The following PTPRO variants were observed in gnomAD, a reference collection of about 807,000 sequenced individuals.
The protein encoded by PTPRO is receptor-type tyrosine-protein phosphatase O.
Under a neutral mutation model 145.2 loss-of-function variants are expected in PTPRO, and 62 were observed. The ratio of observed to expected loss-of-function variants is 0.43; its 90% CI spans 0.35 to 0.53. PTPRO has a LOEUF of 0.53. Ranked by LOEUF, PTPRO falls within the 20% of genes least tolerant of loss-of-function variation. PTPRO has a pLI of 0.01. For missense variants in PTPRO, 1,345 were observed against 1,482.7 expected (o/e 0.91, Z 1.53); for synonymous variants, 565 against 514.7 (o/e 1.10, Z -1.32).
At position 15,586,938 on chromosome 12, in the gene PTPRO, A is replaced by G. The variant is rs374557625; in HGVS notation, c.3297A>G (p.Ala1099=). The G allele has an allele frequency of 6.8e-6, 11 of 1,614,046 alleles. No individual in the cohort carries two copies. The highest frequency in any genetic ancestry group is 1.7e-5 in the Admixed American group (1 of 59,996). ...MQDVMHFNYT[A]WPDHGVPTAN... ...ATGTGATGCATTTTAACTACACTGC[A>G]TGGCCTGATCATGGTGTGCCCACAG... Residue 1099 remains alanine (A), a synonymous_variant, in exon 24 of 27, where the codon GCA becomes GCG. Coordinates refer to ENST00000281171, the MANE Select transcript of PTPRO (RefSeq NM_030667.3).
chr12:15,356,039 A>C (rs1937976079), intron 1 of PTPRO, among the ~76,000 whole-genome samples: 1 of 152,254 alleles, frequency 6.6e-6, no homozygotes, highest in East Asian at 1.9e-4. Context: ...TGTTGTGGGC[A>C]AAAATGTTGC....
intron 1 of PTPRO, among the ~76,000 whole-genome samples, chr12:15,451,769 A>G (rs1941051897): frequency 6.6e-6 from 1 of 152,202 alleles, no homozygotes; most frequent in Non-Finnish European, 1.5e-5. Flanking sequence ...TGAAATCAAG[A>G]CAAAATTAAA....
rs760727625 is a variant in PTPRO, at chr12:15,524,883, G to C, written c.1961G>C (p.Gly654Ala). 7.7e-5 allele frequency: 124 copies of C among 1,613,186 alleles called. No individual in the cohort carries two copies. The highest frequency in any genetic ancestry group is 1.0e-4 in the Non-Finnish European group (120 of 1,179,290). ...NSLLYISWTY[G>A]DDTTDLSHSR... The stretch of plus-strand genomic sequence containing the variant: ...CTGTTATATATCAGTTGGACATATG[G>C]GGATGATACAACGGACTTGTCCCAT... The change falls in exon 11 of 27, where the codon GGG (glycine) becomes GCG (alanine). Residue 654 changes from glycine (G) to alanine (A), a missense_variant. Transcript: ENST00000281171.
chr12:15,445,572 T>C (rs1459234776), intron 1 of PTPRO, among the ~76,000 whole-genome samples: 3 of 152,192 alleles, frequency 2.0e-5, no homozygotes, highest in African/African-American at 7.2e-5. Context: ...TCATGTGGCC[T>C]AACCTAATGT....
At chr12:15,422,347 C>A (rs1419233397) in intron 1 of PTPRO, among the ~76,000 whole-genome samples, 1 of 152,046 alleles carries the variant, frequency 6.6e-6, no homozygotes, top group Non-Finnish European at 1.5e-5. Flanking sequence ...GTAACCACTA[C>A]ATAAATATTA....
At position 15,501,636 on chromosome 12, in the gene PTPRO, A is replaced by T; in HGVS notation, c.678A>T (p.Gln226His). The T allele has an allele frequency of 6.2e-7, 1 of 1,613,770 alleles. No individual in the cohort carries two copies. Among genetic ancestry groups the T allele is most frequent in the Non-Finnish European group, 8.5e-7 (1 of 1,179,720 alleles). Residue 226 changes from glutamine to histidine, a missense_variant, in exon 5 of 27, where the codon CAA becomes CAT. By Grantham distance (24) the Gln-to-His change is conservative (BLOSUM62 0). Coordinates refer to ENST00000281171, the MANE Select transcript of PTPRO (RefSeq NM_030667.3). ...KQHRTAPYPPQNISVRIVNLN... is the reference protein window; with the variant it reads ...KQHRTAPYPPHNISVRIVNLN... ...CTCTTACAGCCCCTTATCCACCTCA[A>T]AATATTTCCGTTCGTATCGTAAACT...
intron 1 of PTPRO, among the ~76,000 whole-genome samples, chr12:15,335,255 T>C (rs1178561763): frequency 2.0e-5 from 3 of 151,980 alleles, no homozygotes; most frequent in African/African-American, 7.2e-5. Flanking sequence ...GGAAAAAAAA[T>C]TGGCTTCTAA....
intron 1 of PTPRO, among the ~76,000 whole-genome samples, chr12:15,361,329 C>CT (rs1200910058): frequency 6.6e-6 from 1 of 150,544 alleles, no homozygotes; most frequent in Non-Finnish European, 1.5e-5. Context: ...ATCTCAACTA[C>CT]TCGGGAAGCT....
chr12:15,578,274 A>T (rs949099585), intron 19 of PTPRO, among the ~76,000 whole-genome samples: 11 of 152,184 alleles, frequency 7.2e-5, no homozygotes, highest in Non-Finnish European at 1.3e-4. Flanking sequence ...AAATTGCATA[A>T]ACTTAAGTTA....
Position 15,370,990 on chromosome 12 carries a change from C to T in PTPRO, c.75+48189C>T, listed in dbSNP as rs1938510132. On this transcript the variant is annotated intron_variant, in intron 1 of 26. Coordinates refer to ENST00000281171, the MANE Select transcript of PTPRO (RefSeq NM_030667.3). The stretch of plus-strand genomic sequence containing the variant: ...AATATCCAACAACATGGATAATGTA[C>T]ATAATGTATTGCTAAACAAAAAAAA... 3.3e-5 allele frequency among the ~76,000 whole-genome samples: 5 copies of T among 152,220 alleles called. No individual in the cohort carries two copies. In the South Asian group the frequency reaches 1.0e-3, roughly 32 times the overall value.
chr12:15,333,048 T>C (rs1347822556), intron 1 of PTPRO, among the ~76,000 whole-genome samples: 2 of 152,202 alleles, frequency 1.3e-5, no homozygotes, highest in Non-Finnish European at 2.9e-5. Context: ...TTCTTTTTTA[T>C]AGCCCCAATA....
At chr12:15,418,532 C>T (rs1940046408) in intron 1 of PTPRO, among the ~76,000 whole-genome samples, 1 of 151,624 alleles carries the variant, frequency 6.6e-6, no homozygotes, top group African/African-American at 2.4e-5. Context: ...CACACAAGAA[C>T]TAGAAAAGAC....
intron 1 of PTPRO, among the ~76,000 whole-genome samples, chr12:15,447,700 A>G (rs1386506947): frequency 6.6e-6 from 1 of 152,166 alleles, no homozygotes; most frequent in Non-Finnish European, 1.5e-5. Context: ...TTCACCAAAA[A>G]GCAAATTTTT....
rs764167474 is a variant in PTPRO at position 15,560,273 on chromosome 12, C to T, written c.2708C>T (p.Pro903Leu). ...TATCTTTTGGCATTTTATATTAATC[C>T]TTGGTAAGTGATTTTTTTTTACTGT... ...TDYLLAFYIN[P>L]WSKNGLKKRK... The change falls in exon 17 of 27, where the codon CCT becomes CTT. Residue 903 changes from proline (P) to leucine (L), a missense_variant. This residue lies in a region of PTPRO where 1,130 missense variants were observed against 1,214.7 expected (regional missense o/e 0.93). Transcript: ENST00000281171. 1.9e-6 allele frequency: 3 copies of T among 1,566,880 alleles called. No individual in the cohort carries two copies. The highest frequency in any genetic ancestry group is 2.6e-6 in the Non-Finnish European group (3 of 1,138,194).
Position 15,350,167 on chromosome 12 carries a change from T to C in PTPRO, c.75+27366T>C, listed in dbSNP as rs555891999. 1.1e-4 allele frequency among the ~76,000 whole-genome samples: 17 copies of C among 152,308 alleles called. 1 individual carries two copies. The South Asian group carries it at 3.5e-3, about 32-fold the overall frequency. ...TTCTAATGAATAGTGAAAGAATCTA[T>C]CCTTATCTGTGCTCTGAAAGAAACT... On this transcript the variant is annotated intron_variant, in intron 1 of 26. Coordinates refer to ENST00000281171, the MANE Select transcript of PTPRO (RefSeq NM_030667.3).
At chr12:15,386,005 C>A (rs528102543) in intron 1 of PTPRO, among the ~76,000 whole-genome samples, 1 of 151,844 alleles carries the variant, frequency 6.6e-6, no homozygotes, top group East Asian at 1.9e-4. Context: ...GTTATGGAGC[C>A]AGAAATCACA....
chr12:15,484,035 C>CGTCATTAGACGTCTCA lies in PTPRO; in HGVS notation c.137_138insGTCATTAGACGTCTCA (p.Asp48LeufsTer21), dbSNP rs1941835242. 1 of 1,613,528 alleles carries CGTCATTAGACGTCTCA rather than the reference C, an allele frequency of 6.2e-7. No homozygotes were observed. The highest frequency in any genetic ancestry group is 1.3e-5 in the African/African-American group (1 of 74,898). Reference sequence around the variant, plus strand: ...AATAACATCGTTGTCTCATTAGAAGCTTCAGACGTCATCAGTCCAGCATCT... The same window carrying CGTCATTAGACGTCTCA: ...AATAACATCGTTGTCTCATTAGAAGCGTCATTAGACGTCTCATTCAGACGTCATCAGTCCAGCATCT... On this transcript the variant is annotated frameshift_variant, in exon 2 of 27. Coordinates refer to ENST00000281171, the MANE Select transcript of PTPRO (RefSeq NM_030667.3). LOFTEE classifies it high-confidence loss of function.
intron 1 of PTPRO, among the ~76,000 whole-genome samples, chr12:15,334,460 C>T (rs1303816832): frequency 6.6e-6 from 1 of 152,078 alleles, no homozygotes; most frequent in African/African-American, 2.4e-5. Flanking sequence ...CCTGAATTGT[C>T]CAGATTTTCA....
chr12:15,553,174 C>T (rs1185426202), intron 15 of PTPRO, among the ~76,000 whole-genome samples: 1 of 151,974 alleles, frequency 6.6e-6, no homozygotes, highest in Admixed American at 6.6e-5. Context: ...GTTCATATTA[C>T]AAATATTGCT....
Sources: allele counts gnomAD v4.1 joint callset (sites outside exome capture counted in the v4.1 genomes callset), GRCh38; gene constraint gnomAD v4.1.1; regional missense constraint gnomAD v4.1.1; transcripts MANE v1.5; gene names NCBI Gene and HGNC (gene_info 2026-07-23, HGNC 2026-07-21).